PRKN: variants seen among roughly 807,000 people sequenced by gnomAD.
The protein encoded by PRKN is E3 ubiquitin-protein ligase parkin.
A neutral mutation model predicts 59.5 loss-of-function variants in PRKN; 56 were observed. The ratio of observed to expected loss-of-function variants is 0.94; its 90% CI spans 0.76 to 1.18. PRKN has a LOEUF of 1.18. Among genes scored for constraint, PRKN ranks in the 50% most tolerant of loss-of-function variants. The pLI is 0.00. For synonymous variants in PRKN, 250 were observed against 222.1 expected, an observed-to-expected ratio of 1.13 and a Z score of -1.12; for missense variants, 657 against 596.4, an observed-to-expected ratio of 1.10 and a Z score of -1.06.
intron 9 of PRKN, among the ~76,000 whole-genome samples, chr6:161,433,942 G>T (rs931296760): frequency 6.6e-6 from 1 of 152,014 alleles, no homozygotes. Flanking sequence ...ATCTGAACCC[G>T]GGAGGCAGAG....
chr6:161,992,469 T>C (rs1264143519), intron 5 of PRKN, among the ~76,000 whole-genome samples: 1 of 152,152 alleles, frequency 6.6e-6, no homozygotes, highest in African/African-American at 2.4e-5. Flanking sequence ...TTTTAAAAAA[T>C]TATAGATTGA....
intron 1 of PRKN, among the ~76,000 whole-genome samples, chr6:162,533,611 G>A (rs1333226142): frequency 6.6e-6 from 1 of 152,132 alleles, no homozygotes; most frequent in Non-Finnish European, 1.5e-5. Flanking sequence ...GGCTTCAAAT[G>A]CGGGTTTTAC....
At chr6:162,009,879 T>C (rs1782417384) in intron 5 of PRKN, among the ~76,000 whole-genome samples, 1 of 151,578 alleles carries the variant, frequency 6.6e-6, no homozygotes, top group Non-Finnish European at 1.5e-5. Context: ...GAGGTTGCAG[T>C]GAGCCAAGAT....
At chr6:161,787,659 C>T (rs1434922622) in intron 6 of PRKN, among the ~76,000 whole-genome samples, 1 of 152,164 alleles carries the variant, frequency 6.6e-6, no homozygotes, top group East Asian at 1.9e-4. Context: ...AAAAAGAAAG[C>T]TTAGAGGCCA....
intron 4 of PRKN, among the ~76,000 whole-genome samples, chr6:162,154,673 T>G (rs555345240): frequency 6.3e-4 from 96 of 152,286 alleles, no homozygotes; most frequent in Non-Finnish European, 1.2e-3. Context: ...CAGTCTAAAA[T>G]AATTGTTATA....
At chr6:162,252,681 T>C (rs1426673151) in intron 3 of PRKN, among the ~76,000 whole-genome samples, 1 of 152,218 alleles carries the variant, frequency 6.6e-6, no homozygotes, top group Non-Finnish European at 1.5e-5. Flanking sequence ...CAAGCAGCCT[T>C]CGGCTGACAT....
At chr6:161,435,191 C>A (rs1192512850) in intron 9 of PRKN, among the ~76,000 whole-genome samples, 2 of 151,842 alleles carry the variant, frequency 1.3e-5, no homozygotes, top group Non-Finnish European at 1.5e-5. Flanking sequence ...AAAGATTTGC[C>A]AGAAAAAAGA....
At chr6:161,992,651 T>C (rs899261920) in intron 5 of PRKN, among the ~76,000 whole-genome samples, 3 of 152,188 alleles carry the variant, frequency 2.0e-5, no homozygotes, top group African/African-American at 7.2e-5. Flanking sequence ...GAATACACTT[T>C]CTTCTCATCG....
At chr6:162,498,006 T>A (rs1016007659) in intron 1 of PRKN, among the ~76,000 whole-genome samples, 1 of 152,168 alleles carries the variant, frequency 6.6e-6, no homozygotes, top group Admixed American at 6.5e-5. Context: ...TAACAAAATA[T>A]CACATGTACC....
rs1562452888 is a variant in PRKN at position 161,442,961 on chromosome 6, C to T, written c.1084-56084G>A. Among the ~76,000 whole-genome samples, 1 of 152,170 alleles carries T rather than the reference C, an allele frequency of 6.6e-6. No homozygotes were observed. Among genetic ancestry groups the T allele is most frequent in the Non-Finnish European group, 1.5e-5 (1 of 68,044 alleles). ...CAGTGCACAGATGAGGAAATCGGGG[C>T]TCTGAGAGGTTAACTGACCTGCTCG... is the stretch of plus-strand genomic sequence containing the variant. On this transcript the variant is annotated intron_variant, in intron 9 of 11. Coordinates refer to ENST00000366898, the MANE Select transcript of PRKN (RefSeq NM_004562.3). The surrounding 1 kb of genome is among the most constrained non-coding windows in gnomAD (Gnocchi z 4.6).
rs1443550975 is a variant in PRKN at position 161,402,873 on chromosome 6, A to AGTC, written c.1084-15999_1084-15997dup. On this transcript the variant is annotated intron_variant, in intron 9 of 11. Transcript: ENST00000366898. The surrounding 1 kb of genome is among the most constrained non-coding windows in gnomAD (Gnocchi z 4.5). Reference sequence around the variant, plus strand: ...AGCAGCCCTGAGCAGAACAGGCAGTAGTCTCTCCAGGCATGGTGTCCACGT... The same window carrying AGTC: ...AGCAGCCCTGAGCAGAACAGGCAGTAGTCGTCTCTCCAGGCATGGTGTCCACGT... Among the ~76,000 whole-genome samples, 2 of 152,138 alleles carry AGTC rather than the reference A, an allele frequency of 1.3e-5. No individual in the cohort carries two copies. The highest frequency in any genetic ancestry group is 4.8e-5 in the African/African-American group (2 of 41,410).
At chr6:161,647,801 CA>C (rs1193424067) in intron 7 of PRKN, among the ~76,000 whole-genome samples, 4 of 152,008 alleles carry the variant, frequency 2.6e-5, no homozygotes, top group Non-Finnish European at 5.9e-5. Flanking sequence ...GTGCTTTTAG[CA>C]TTAGGAAAAG....
chr6:162,304,191 C>T (rs771949887), intron 2 of PRKN, among the ~76,000 whole-genome samples: 10 of 150,518 alleles, frequency 6.6e-5, no homozygotes, highest in Non-Finnish European at 1.3e-4. Flanking sequence ...GATTGAAGGT[C>T]GTCTCTTATG....
intron 6 of PRKN, among the ~76,000 whole-genome samples, chr6:161,902,564 A>ATCTTTTTTTTTTTTTTT (rs1242030157): frequency 2.7e-5 from 3 of 112,050 alleles, no homozygotes; most frequent in African/African-American, 6.7e-5. Flanking sequence ...TTATTTATTT[A>ATCTTTTTTTTTTTTTTT]TTTTTTTTTT....
intron 4 of PRKN, among the ~76,000 whole-genome samples, chr6:162,085,103 A>T (rs1435869193): frequency 6.7e-6 from 1 of 150,334 alleles, no homozygotes; most frequent in Non-Finnish European, 1.5e-5. Flanking sequence ...GAGACAGTGG[A>T]AATAGGGAAA....
intron 6 of PRKN, among the ~76,000 whole-genome samples, chr6:161,914,353 G>T (rs191721997): frequency 1.3e-5 from 2 of 152,258 alleles, no homozygotes; most frequent in East Asian, 3.9e-4. Context: ...ATAGGCACAT[G>T]TATATTACAC....
intron 6 of PRKN, among the ~76,000 whole-genome samples, chr6:161,953,920 GA>G (rs1352535216): frequency 6.6e-6 from 1 of 152,144 alleles, no homozygotes; most frequent in East Asian, 1.9e-4. Context: ...ACCTGGGCTT[GA>G]GACCCTACTG....
chr6:161,969,553 G>A (rs1780720478), intron 6 of PRKN, among the ~76,000 whole-genome samples: 3 of 152,048 alleles, frequency 2.0e-5, no homozygotes, highest in Non-Finnish European at 4.4e-5. Flanking sequence ...GTTAGTGAGG[G>A]CGTTGGCATA....
At chr6:161,866,533 C>T (rs993015711) in intron 6 of PRKN, among the ~76,000 whole-genome samples, 1 of 151,974 alleles carries the variant, frequency 6.6e-6, no homozygotes, top group Admixed American at 6.6e-5. Flanking sequence ...TGAGATCGCA[C>T]CACTGCACTC....
Sources: gnomAD v4.1 joint callset for allele counts (sites outside exome capture counted in the v4.1 genomes callset) on GRCh38, gnomAD v4.1.1 for gene constraint, Gnocchi (gnomAD v3.1) non-coding constraint, MANE v1.5 for transcripts, NCBI Gene and HGNC (gene_info 2026-07-23, HGNC 2026-07-21) for gene names.